RALGAPA2: variants seen among roughly 807,000 people sequenced by gnomAD.
RALGAPA2 encodes the protein Ral GTPase activating protein catalytic subunit alpha 2, also known as ral GTPase-activating protein subunit alpha-2.
A neutral mutation model predicts 230.4 loss-of-function variants in RALGAPA2; 139 were observed. That is an observed-to-expected ratio of 0.60 (90% CI 0.53 to 0.69). The LOEUF is 0.69. RALGAPA2 is among the 30% of genes least tolerant of loss of function. RALGAPA2 has a pLI of 0.00. For synonymous variants in RALGAPA2, 847 were observed against 837.8 expected, an observed-to-expected ratio of 1.01 and a Z score of -0.19; for missense variants, 2,163 against 2,276.0, an observed-to-expected ratio of 0.95 and a Z score of 1.01.
At position 20,616,093 on chromosome 20, in the gene RALGAPA2, C is replaced by T; in HGVS notation, c.1638G>A (p.Leu546=). The T allele has an allele frequency of 6.4e-7, 1 of 1,554,466 alleles. No individual in the cohort carries two copies. Among genetic ancestry groups the T allele is most frequent in the Non-Finnish European group, 8.7e-7 (1 of 1,149,204 alleles). ...KEQVDACKAV[L]IIFRRMIMEL... is the part of the protein sequence containing the mutation. ...CCATTATCATGCGCCTAAAAATAAT[C>T]AAAACAGCTTTACAAGCATCAACTT... is the stretch of plus-strand genomic sequence containing the variant. Residue 546 remains leucine (L), a synonymous_variant, in exon 13 of 40, where the codon TTG becomes TTA. Transcript: ENST00000202677.
chr20:20,506,731 G>A (rs190781142), intron 33 of RALGAPA2, among the ~76,000 whole-genome samples: 1 of 152,150 alleles, frequency 6.6e-6, no homozygotes, highest in East Asian at 1.9e-4. Flanking sequence ...AATTTGATTA[G>A]ATATTGTATT....
chr20:20,632,765 T>C (rs950620531), intron 9 of RALGAPA2, among the ~76,000 whole-genome samples: 1 of 152,230 alleles, frequency 6.6e-6, no homozygotes, highest in African/African-American at 2.4e-5. Context: ...GGGGTCCCTG[T>C]AGTCTGCCTT....
At position 20,473,729 on chromosome 20, in the gene RALGAPA2, T is replaced by C. The variant is rs572028416; in HGVS notation, c.5368-773A>G. Reference sequence around the variant, plus strand: ...TCACAAGTTTCTGTGCTTGCCTTTTTTGGATTTATTTCTTCTCTCTCCTTT... The same window carrying C: ...TCACAAGTTTCTGTGCTTGCCTTTTCTGGATTTATTTCTTCTCTCTCCTTT... On this transcript the variant is annotated intron_variant, in intron 36 of 39. Coordinates refer to ENST00000202677, the MANE Select transcript of RALGAPA2 (RefSeq NM_020343.4). Among the ~76,000 whole-genome samples, 31 of 152,338 alleles carry C rather than the reference T, an allele frequency of 2.0e-4. 1 individual carries two copies. The highest frequency in any genetic ancestry group is 3.5e-4 in the Non-Finnish European group (24 of 68,034).
intron 1 of RALGAPA2, among the ~76,000 whole-genome samples, chr20:20,700,469 A>G (rs2069308503): frequency 6.6e-6 from 1 of 152,206 alleles, no homozygotes; most frequent in Non-Finnish European, 1.5e-5. Flanking sequence ...TGAAATGTAA[A>G]AAAACAATTT....
intron 38 of RALGAPA2, among the ~76,000 whole-genome samples, chr20:20,407,535 T>C (rs2059972363): frequency 6.6e-6 from 1 of 152,234 alleles, no homozygotes. Flanking sequence ...CATATCCCTC[T>C]GGGCAAAGGC....
chr20:20,501,374 A>C (rs1474559231), intron 35 of RALGAPA2, among the ~76,000 whole-genome samples: 1 of 152,212 alleles, frequency 6.6e-6, no homozygotes. Flanking sequence ...TGAGCACTTA[A>C]TGCTTCGCCT....
At chr20:20,478,110 G>C (rs1267603837) in intron 36 of RALGAPA2, among the ~76,000 whole-genome samples, 1 of 152,058 alleles carries the variant, frequency 6.6e-6, no homozygotes, top group Non-Finnish European at 1.5e-5. Context: ...ACAACAAAAG[G>C]ATAATTGGCA....
chr20:20,709,193 C>G (rs566571808), intron 1 of RALGAPA2, among the ~76,000 whole-genome samples: 1 of 152,152 alleles, frequency 6.6e-6, no homozygotes, highest in Non-Finnish European at 1.5e-5. Context: ...GTGGTACACA[C>G]CTGTAATCCC....
chr20:20,583,291 A>G, intron 19 of RALGAPA2, 65 bp from the exon 20 acceptor site: 3 of 1,459,056 alleles, frequency 2.1e-6, no homozygotes, highest in Non-Finnish European at 2.8e-6. Context: ...GTTCACAATT[A>G]CTGATACGAA....
chr20:20,436,398 A>G (rs1185538139), intron 37 of RALGAPA2, among the ~76,000 whole-genome samples: 1 of 152,362 alleles, frequency 6.6e-6, no homozygotes, highest in East Asian at 1.9e-4. Context: ...AAACAATTTA[A>G]TAGGGTAGAT....
intron 1 of RALGAPA2, among the ~76,000 whole-genome samples, chr20:20,705,003 T>C (rs1411408512): frequency 6.6e-6 from 1 of 152,214 alleles, no homozygotes; most frequent in Non-Finnish European, 1.5e-5. Flanking sequence ...TTTGCTGCTG[T>C]TCCTCCTCTG....
intron 17 of RALGAPA2, among the ~76,000 whole-genome samples, chr20:20,590,390 T>C (rs1296841909): frequency 1.3e-5 from 2 of 152,226 alleles, no homozygotes; most frequent in Non-Finnish European, 2.9e-5. Flanking sequence ...TGTATTTTCT[T>C]ATTTCCAGAG....
chr20:20,648,987 G>A (rs1261698416), intron 4 of RALGAPA2, among the ~76,000 whole-genome samples: 1 of 152,186 alleles, frequency 6.6e-6, no homozygotes, highest in African/African-American at 2.4e-5. Flanking sequence ...AACGCAAGAA[G>A]AGGACCCCCC....
intron 3 of RALGAPA2, among the ~76,000 whole-genome samples, chr20:20,654,649 G>GA (rs2067524137): frequency 6.6e-6 from 1 of 152,164 alleles, no homozygotes; most frequent in Non-Finnish European, 1.5e-5. Context: ...TTCACTGATG[G>GA]ACACTTAGGT....
intron 20 of RALGAPA2, among the ~76,000 whole-genome samples, chr20:20,576,045 T>G (rs890254096): frequency 6.6e-6 from 1 of 152,168 alleles, no homozygotes; most frequent in African/African-American, 2.4e-5. Flanking sequence ...TAATTTTTGT[T>G]GTTGGCTTTA....
rs1216632127 is a variant in RALGAPA2 at position 20,619,312 on chromosome 20, T to C, written c.1504A>G (p.Thr502Ala). Residue 502 changes from threonine (T) to alanine (A), a missense_variant, in exon 12 of 40, where the codon ACA becomes GCA. By Grantham distance (58) the Thr-to-Ala change is moderately conservative (BLOSUM62 0). Coordinates refer to ENST00000202677, the MANE Select transcript of RALGAPA2 (RefSeq NM_020343.4). The stretch of plus-strand genomic sequence containing the variant: ...GCCTGGACGCCGGCTTTCACATTTG[T>C]ATTTTCCTCCTCTGTCACACACCCT... ...SRGCVTEEEN[T>A]NVKAGVQALL... The C allele has an allele frequency of 6.2e-7, 1 of 1,611,012 alleles. No individual in the cohort carries two copies. The highest frequency in any genetic ancestry group is 2.2e-5 in the East Asian group (1 of 44,828).
chr20:20,433,628 A>C (rs2060543939), intron 37 of RALGAPA2, among the ~76,000 whole-genome samples: 1 of 152,246 alleles, frequency 6.6e-6, no homozygotes, highest in South Asian at 2.1e-4. Flanking sequence ...AACAAGTATA[A>C]GTACTCCCCA....
At chr20:20,557,081 G>C (rs928755200) in intron 23 of RALGAPA2, among the ~76,000 whole-genome samples, 6 of 152,146 alleles carry the variant, frequency 3.9e-5, no homozygotes, top group African/African-American at 1.4e-4. Flanking sequence ...AGGCCGAGGT[G>C]GGTGGATCAC....
intron 26 of RALGAPA2, 46 bp downstream of exon 26, chr20:20,535,699 T>G (rs1420112203): frequency 2.0e-6 from 3 of 1,530,552 alleles, no homozygotes; most frequent in East Asian, 2.5e-5. Context: ...CACATAAATG[T>G]GTATCTTAAA....
Sources: allele counts gnomAD v4.1 joint callset (sites outside exome capture counted in the v4.1 genomes callset), GRCh38; gene constraint gnomAD v4.1.1; transcripts MANE v1.5; gene names NCBI Gene and HGNC (gene_info 2026-07-23, HGNC 2026-07-21).